SCN8A: variants seen among roughly 807,000 people sequenced by gnomAD.
The protein encoded by SCN8A is sodium voltage-gated channel alpha subunit 8.
In SCN8A, 30 loss-of-function variants were observed where a neutral mutation model predicts 184.1. That is an observed-to-expected ratio of 0.16 (90% CI 0.12 to 0.22). SCN8A has a LOEUF of 0.22. Ranked by LOEUF, SCN8A falls within the 10% of genes least tolerant of loss-of-function variation. SCN8A has a pLI of 1.00. For missense variants in SCN8A, 1,057 were observed against 2,498.9 expected (o/e 0.42, Z 12.30); for synonymous variants, 852 against 907.0 (o/e 0.94, Z 1.09).
At position 51,706,706 on chromosome 12, in the gene SCN8A, C is replaced by G. The variant is rs748289095; in HGVS notation, c.1626C>G (p.Ile542Met). The change falls in exon 11 of 27, where the codon ATC becomes ATG. Residue 542 changes from isoleucine (I) to methionine (M), a missense_variant. Ile to Met is a conservative substitution (Grantham distance 10). Coordinates refer to ENST00000627620, the MANE Select transcript of SCN8A (RefSeq NM_001330260.2). ...PDNRIGRKFSIMNQSLLSIPG... is the reference protein window; with the variant it reads ...PDNRIGRKFSMMNQSLLSIPG... The stretch of plus-strand genomic sequence containing the variant: ...ACAGAATAGGGAGGAAATTTTCCAT[C>G]ATGAATCAGGTAAACTCTTCTTTTT... The G allele has an allele frequency of 3.9e-6, 6 of 1,537,540 alleles. No homozygotes were observed. The highest frequency in any genetic ancestry group is 5.2e-6 in the Non-Finnish European group (6 of 1,148,106).
At position 51,774,376 on chromosome 12, in the gene SCN8A, T is replaced by G; in HGVS notation, c.3819+14T>G. The stretch of plus-strand genomic sequence containing the variant: ...CTCATTGTGGCTGTAGGTGTCTTGC[T>G]TTCTGTTTCCCACCCCTTCCAGCAG... On this transcript the variant is annotated intron_variant, in intron 20 of 26. Coordinates refer to ENST00000627620, the MANE Select transcript of SCN8A (RefSeq NM_001330260.2). 6.3e-7 allele frequency: 1 copy of G among 1,591,734 alleles called. No individual in the cohort carries two copies. The highest frequency in any genetic ancestry group is 1.2e-5 in the South Asian group (1 of 86,210).
At chr12:51,752,574 A>G (rs1486873495) in intron 14 of SCN8A, among the ~76,000 whole-genome samples, 1 of 152,216 alleles carries the variant, frequency 6.6e-6, no homozygotes, top group East Asian at 1.9e-4. Flanking sequence ...TACATCCAAG[A>G]TGATTCTGTG....
intron 12 of SCN8A, among the ~76,000 whole-genome samples, chr12:51,736,980 T>C (rs930851718): frequency 3.3e-5 from 5 of 152,216 alleles, no homozygotes; most frequent in African/African-American, 1.2e-4. Flanking sequence ...CTTCAATTGG[T>C]TTAAATTTAG....
At chr12:51,637,091 G>A (rs1256831447) in intron 1 of SCN8A, among the ~76,000 whole-genome samples, 1 of 152,052 alleles carries the variant, frequency 6.6e-6, no homozygotes, top group Non-Finnish European at 1.5e-5. Context: ...GGCGATCAGT[G>A]ATCTTTGTTG....
At chr12:51,729,028 C>T (rs1026652818) in intron 12 of SCN8A, among the ~76,000 whole-genome samples, 3 of 152,166 alleles carry the variant, frequency 2.0e-5, no homozygotes, top group Non-Finnish European at 2.9e-5. Context: ...GTTATGGTGG[C>T]GGACTTCCTC....
intron 1 of SCN8A, among the ~76,000 whole-genome samples, chr12:51,626,811 AATTG>A (rs1201420997): frequency 1.3e-5 from 2 of 149,968 alleles, no homozygotes; most frequent in African/African-American, 4.9e-5. Flanking sequence ...TTAAATTATT[AATTG>A]ATATTTAATT....
intron 1 of SCN8A, among the ~76,000 whole-genome samples, chr12:51,641,102 G>A (rs1358296715): frequency 6.6e-6 from 1 of 152,016 alleles, no homozygotes; most frequent in African/African-American, 2.4e-5. Context: ...ATATTTGAGA[G>A]AAAAAACAGT....
chr12:51,777,286 G>T (rs1340435965), intron 20 of SCN8A, among the ~76,000 whole-genome samples: 1 of 151,038 alleles, frequency 6.6e-6, no homozygotes, highest in East Asian at 1.9e-4. Flanking sequence ...TTTTAGGTAG[G>T]TCTCACCCTG....
At position 51,777,706 on chromosome 12, in the gene SCN8A, C is replaced by G. The variant is rs998913917; in HGVS notation, c.3820-2943C>G. On this transcript the variant is annotated intron_variant, in intron 20 of 26. Transcript: ENST00000627620. Reference sequence around the variant, plus strand: ...GCCACTGAATTGGCCTTTAGACCTCCTCCTTCATTCTCCACACTGTGGGCC... The same window carrying G: ...GCCACTGAATTGGCCTTTAGACCTCGTCCTTCATTCTCCACACTGTGGGCC... Among the ~76,000 whole-genome samples, 56 of 152,304 alleles carry G rather than the reference C, an allele frequency of 3.7e-4. 1 individual carries two copies. The highest frequency in any genetic ancestry group is 4.6e-4 in the Admixed American group (7 of 15,304).
At chr12:51,638,922 A>G (rs1485257160) in intron 1 of SCN8A, among the ~76,000 whole-genome samples, 2 of 152,200 alleles carry the variant, frequency 1.3e-5, no homozygotes, top group African/African-American at 4.8e-5. Flanking sequence ...GAATGGCTGC[A>G]ATCTCATGAT....
intron 7 of SCN8A, among the ~76,000 whole-genome samples, chr12:51,700,257 T>C (rs1282418527): frequency 6.6e-6 from 1 of 152,146 alleles, no homozygotes; most frequent in Non-Finnish European, 1.5e-5. Flanking sequence ...AATTATTCCT[T>C]TCCTCGACGT....
intron 12 of SCN8A, among the ~76,000 whole-genome samples, chr12:51,737,713 A>G (rs1371627211): frequency 6.6e-6 from 1 of 152,218 alleles, no homozygotes; most frequent in Non-Finnish European, 1.5e-5. Context: ...TTTGTAAGTG[A>G]TCATATAACA....
intron 21 of SCN8A, among the ~76,000 whole-genome samples, chr12:51,784,817 G>A (rs1007629435): frequency 6.6e-6 from 1 of 152,166 alleles, no homozygotes; most frequent in East Asian, 1.9e-4. Context: ...CCCATAGTAT[G>A]TGGGACAGGT....
intron 14 of SCN8A, among the ~76,000 whole-genome samples, chr12:51,758,245 T>C (rs1422963513): frequency 6.6e-6 from 1 of 152,134 alleles, no homozygotes; most frequent in Non-Finnish European, 1.5e-5. Context: ...TCACTTGAGC[T>C]CAAGAATTCA....
At position 51,762,620 on chromosome 12, in the gene SCN8A, A is replaced by G; in HGVS notation, c.2488A>G (p.Met830Val). The G allele has an allele frequency of 6.2e-7, 1 of 1,612,854 alleles. No homozygotes were observed. Among genetic ancestry groups the G allele is most frequent in the Non-Finnish European group, 8.5e-7 (1 of 1,179,584 alleles). ...FDGFIVSLSL[M>V]ELSLADVEGL... Reference sequence around the variant, plus strand: ...CGGATTTATTGTCTCCCTCAGTTTAATGGAACTGAGTCTAGCAGACGTGGA... The same window carrying G: ...CGGATTTATTGTCTCCCTCAGTTTAGTGGAACTGAGTCTAGCAGACGTGGA... Residue 830 changes from methionine to valine, a missense_variant, in exon 15 of 27, where the codon ATG becomes GTG. Met to Val is a conservative substitution (Grantham distance 21). This residue lies in a region of SCN8A where 66 missense variants were observed against 310.6 expected (regional missense o/e 0.21). Transcript: ENST00000627620.
intron 14 of SCN8A, among the ~76,000 whole-genome samples, chr12:51,759,612 G>T (rs943374837): frequency 2.0e-5 from 3 of 152,216 alleles, no homozygotes; most frequent in African/African-American, 7.2e-5. Flanking sequence ...CAGATGGGGG[G>T]TACTTCTGAA....
At chr12:51,690,601 A>G (rs952555100) in intron 6 of SCN8A, among the ~76,000 whole-genome samples, 16 of 152,182 alleles carry the variant, frequency 1.1e-4, no homozygotes, top group African/African-American at 3.6e-4. Flanking sequence ...GGCTCAAGCA[A>G]TCTTCCTGCA....
intron 1 of SCN8A, among the ~76,000 whole-genome samples, chr12:51,627,335 A>G (rs1468459106): frequency 6.6e-6 from 1 of 152,236 alleles, no homozygotes; most frequent in Non-Finnish European, 1.5e-5. Flanking sequence ...ATTGTAAAGT[A>G]TGTTATAAGG....
At position 51,684,180 on chromosome 12, in the gene SCN8A, G is replaced by A. The variant is rs768941210; in HGVS notation, c.283G>A (p.Val95Ile). Residue 95 changes from valine (V) to isoleucine (I), a missense_variant, in exon 3 of 27, where the codon GTA (valine) becomes ATA (isoleucine). Val to Ile is a conservative substitution (Grantham distance 29). Around this residue, in one of 19 missense-constraint regions of SCN8A, gnomAD observed 66 missense variants for 276.4 expected, o/e 0.24. Coordinates refer to ENST00000627620, the MANE Select transcript of SCN8A (RefSeq NM_001330260.2). Reference protein sequence around the residue: ...DPYYLTQKTFVVLNRGKTLFR... With the variant: ...DPYYLTQKTFIVLNRGKTLFR... ...TCTCTTTCTTTCTCCACAGACCTTT[G>A]TAGTATTAAACAGAGGGAAAACTCT... 2.0e-6 allele frequency: 3 copies of A among 1,508,492 alleles called. No individual in the cohort carries two copies. Among genetic ancestry groups the A allele is most frequent in the East Asian group, 4.5e-5 (2 of 44,336 alleles). 93.4% of individuals were successfully genotyped at this position (1,508,492 alleles called of 1,614,324 possible).
Sources: allele counts gnomAD v4.1 joint callset (sites outside exome capture counted in the v4.1 genomes callset), GRCh38; gene constraint gnomAD v4.1.1; regional missense constraint gnomAD v4.1.1; transcripts MANE v1.5; gene names NCBI Gene and HGNC (gene_info 2026-07-23, HGNC 2026-07-21).